RERG: variants seen among roughly 807,000 people sequenced by gnomAD.
The protein encoded by RERG is RAS like estrogen regulated growth inhibitor.
In RERG, 25 loss-of-function variants were observed where a neutral mutation model predicts 23.2. The observed-to-expected ratio is 1.08, with a 90% CI of 0.79 to 1.50. The LOEUF (loss-of-function observed/expected upper bound fraction) is 1.50. Among genes scored for constraint, RERG ranks in the 40% most tolerant of loss-of-function variants. The pLI is 0.00. For missense variants in RERG, 253 were observed against 250.1 expected, an observed-to-expected ratio of 1.01 and a Z score of -0.08; for synonymous variants, 81 against 89.1, an observed-to-expected ratio of 0.91 and a Z score of 0.51.
chr12:15,202,039 T>C (rs1865224377), intron 2 of RERG, among the ~76,000 whole-genome samples: 1 of 151,858 alleles, frequency 6.6e-6, no homozygotes, highest in African/African-American at 2.4e-5. Flanking sequence ...TCCTTCCTAA[T>C]CAACATTTAG....
chr12:15,219,539 G>A (rs536644203), intron 1 of RERG, among the ~76,000 whole-genome samples: 2 of 152,268 alleles, frequency 1.3e-5, no homozygotes, highest in Non-Finnish European at 2.9e-5. Context: ...TTTGGCTAAA[G>A]ATAAAAAGAT....
chr12:15,214,227 T>C (rs1031403827), intron 2 of RERG, among the ~76,000 whole-genome samples: 2 of 152,180 alleles, frequency 1.3e-5, no homozygotes, highest in East Asian at 3.8e-4. Context: ...AACACTTGCA[T>C]GTAACAACTC....
chr12:15,195,371 T>G (rs1290942767), intron 2 of RERG, among the ~76,000 whole-genome samples: 2 of 152,138 alleles, frequency 1.3e-5, no homozygotes, highest in African/African-American at 4.8e-5. Flanking sequence ...GGGTGCCTGA[T>G]TAGGGAACGA....
intron 2 of RERG, among the ~76,000 whole-genome samples, chr12:15,190,940 G>A (rs1865062196): frequency 6.6e-6 from 1 of 152,154 alleles, no homozygotes; most frequent in Non-Finnish European, 1.5e-5. Flanking sequence ...CAGGTTGTCA[G>A]TAGACTTCAA....
intron 2 of RERG, among the ~76,000 whole-genome samples, chr12:15,133,041 C>CT (rs762390855): frequency 0.02 from 2,080 of 103,368 alleles, 62 homozygotes; most frequent in African/African-American, 0.068. Context: ...AGTGTGGTAA[C>CT]TTTTTTTTTT....
chr12:15,133,104 G>T (rs1864079697), intron 2 of RERG, among the ~76,000 whole-genome samples: 1 of 131,536 alleles, frequency 7.6e-6, no homozygotes, highest in African/African-American at 2.9e-5. Context: ...AAAGTCCATA[G>T]TTTTTACTAT....
intron 2 of RERG, among the ~76,000 whole-genome samples, chr12:15,140,363 A>T (rs746787279): frequency 1.3e-5 from 2 of 152,184 alleles, no homozygotes; most frequent in Admixed American, 6.5e-5. Flanking sequence ...CATTACTGTC[A>T]TTCATATTCC....
At chr12:15,121,234 T>A in intron 2 of RERG, 115 bp from the exon 3 acceptor site, 2 of 714,372 alleles carry the variant, frequency 2.8e-6, no homozygotes, top group Non-Finnish European at 4.6e-6. Flanking sequence ...TTATATTTCC[T>A]TGATATATAA....
chr12:15,113,288 A>G (rs917366295), intron 3 of RERG, among the ~76,000 whole-genome samples: 12 of 152,094 alleles, frequency 7.9e-5, no homozygotes, highest in African/African-American at 2.9e-4. Context: ...ATTCAAGATA[A>G]TATAAGAAAA....
chr12:15,197,450 A>G (rs2136138671), intron 2 of RERG, among the ~76,000 whole-genome samples: 1 of 152,270 alleles, frequency 6.6e-6, no homozygotes, highest in East Asian at 1.9e-4. Flanking sequence ...ATTTGGAGTG[A>G]GCACATATGA....
chr12:15,190,361 AT>A lies in RERG; in HGVS notation c.61+27067del, dbSNP rs748827296. On this transcript the variant is annotated intron_variant, in intron 2 of 4. Transcript: ENST00000256953. ...CATAACATTTTAAGAAAGTTTAAGA[AT>A]TTGTTTTGGGCTGCATTCAAAGCTG... Among the ~76,000 whole-genome samples the A allele has an allele frequency of 4.6e-5, 7 of 152,258 alleles. No homozygotes were observed. The East Asian group carries it at 1.2e-3, about 25-fold the overall frequency.
intron 2 of RERG, among the ~76,000 whole-genome samples, chr12:15,146,967 ATTC>A (rs1411243568): frequency 2.6e-5 from 4 of 152,054 alleles, no homozygotes; most frequent in African/African-American, 9.7e-5. Flanking sequence ...TTATTCAAAT[ATTC>A]TTAAAAGGAA....
rs1465132362 is a variant in RERG, at chr12:15,109,262, A to C, written c.448T>G (p.Cys150Gly). 5 of 1,614,124 alleles carry C rather than the reference A, an allele frequency of 3.1e-6. No homozygotes were observed. Among genetic ancestry groups the C allele is most frequent in the Non-Finnish European group, 4.2e-6 (5 of 1,179,998 alleles). The stretch of plus-strand genomic sequence containing the variant: ...TCTGTGATGTTCCCTTCTCCAGTGC[A>C]GGCAGAGCACTCGTAAAAAGCACAA... ...LACAFYECSACTGEGNITEIF... is the reference protein window; with the variant it reads ...LACAFYECSAGTGEGNITEIF... Residue 150 changes from cysteine to glycine, a missense_variant, in exon 5 of 5, where the codon TGC becomes GGC. By Grantham distance (159) the Cys-to-Gly change is radical. Transcript: ENST00000256953.
chr12:15,206,949 G>A (rs2136144841), intron 2 of RERG, among the ~76,000 whole-genome samples: 1 of 152,154 alleles, frequency 6.6e-6, no homozygotes, highest in South Asian at 2.1e-4. Flanking sequence ...TATTAAGCAG[G>A]AGATTGTAAC....
At chr12:15,112,231 G>A (rs1863633027) in intron 3 of RERG, 1 of 152,204 alleles carries the variant, frequency 6.6e-6, no homozygotes, top group Non-Finnish European at 1.5e-5. Context: ...GAAGTGAATG[G>A]TTCTTGCCAA....
At chr12:15,211,010 G>A (rs192301055) in intron 2 of RERG, among the ~76,000 whole-genome samples, 2 of 152,172 alleles carry the variant, frequency 1.3e-5, no homozygotes, top group Non-Finnish European at 2.9e-5. Context: ...AGGATTTCTG[G>A]TAGTCCTTCA....
chr12:15,142,875 T>C (rs1388424370), intron 2 of RERG, among the ~76,000 whole-genome samples: 1 of 152,204 alleles, frequency 6.6e-6, no homozygotes, highest in African/African-American at 2.4e-5. Flanking sequence ...TCTTGATACA[T>C]ATACTGGCAA....
intron 2 of RERG, among the ~76,000 whole-genome samples, chr12:15,146,746 T>C (rs953618597): frequency 6.6e-6 from 1 of 152,202 alleles, no homozygotes; most frequent in African/African-American, 2.4e-5. Flanking sequence ...ATGGGACCCA[T>C]CTAAACTGAC....
intron 2 of RERG, among the ~76,000 whole-genome samples, chr12:15,216,585 T>C (rs1865443428): frequency 6.6e-6 from 1 of 152,214 alleles, no homozygotes; most frequent in African/African-American, 2.4e-5. Flanking sequence ...TCTGTTTGAG[T>C]CCTTTCCTGA....
Sources: allele counts gnomAD v4.1 joint callset (sites outside exome capture counted in the v4.1 genomes callset), GRCh38; gene constraint gnomAD v4.1.1; transcripts MANE v1.5; gene names NCBI Gene and HGNC (gene_info 2026-07-23, HGNC 2026-07-21).